The following FHDC1 variants were observed in gnomAD, a reference collection of about 807,000 sequenced individuals.
The protein encoded by FHDC1 is FH2 domain-containing protein 1.
A neutral mutation model predicts 52.6 loss-of-function variants in FHDC1; 25 were observed. That is an observed-to-expected ratio of 0.48 (90% CI 0.35 to 0.66). The LOEUF (loss-of-function observed/expected upper bound fraction) is 0.66, where lower values mean the gene tolerates loss of function less well. FHDC1 is among the 30% of genes least tolerant of loss of function. The pLI is 0.01. For synonymous variants in FHDC1, 616 were observed against 581.5 expected (o/e 1.06, Z -0.85); for missense variants, 1,459 against 1,452.8 (o/e 1.00, Z -0.07).
At chr4:152,949,381 G>T (rs771466485) in intron 2 of FHDC1, among the ~76,000 whole-genome samples, 3 of 151,998 alleles carry the variant, frequency 2.0e-5, no homozygotes, top group Non-Finnish European at 4.4e-5. Context: ...TCAGGAGGCT[G>T]ATGCAGAAGG....
At chr4:152,974,276 C>T (rs1002150401) in intron 11 of FHDC1, among the ~76,000 whole-genome samples, 1 of 152,206 alleles carries the variant, frequency 6.6e-6, no homozygotes, top group Admixed American at 6.5e-5. Context: ...GTGTCTTATA[C>T]TGCTCAGAAA....
chr4:152,976,864 C>A lies in FHDC1; in HGVS notation c.*141C>A. The A allele has an allele frequency of 8.5e-7, 1 of 1,171,624 alleles. No individual in the cohort carries two copies. Among genetic ancestry groups the A allele is most frequent in the Non-Finnish European group, 1.2e-6 (1 of 865,490 alleles). 72.6% of individuals were successfully genotyped at this position (1,171,624 alleles called of 1,614,324 possible). A position where few individuals can be genotyped will look rare whatever the true frequency, so the allele number is the denominator to read the frequency against. On this transcript the variant is annotated 3_prime_UTR_variant, in exon 12 of 12. Coordinates refer to ENST00000511601, the MANE Select transcript of FHDC1 (RefSeq NM_001371116.1). ...ACTGCTAGTGACGCTGTTGGGATGGCACAGTCCAGGAGGCCTGTGGACTGC... is the reference window on the plus strand; with the variant it reads ...ACTGCTAGTGACGCTGTTGGGATGGAACAGTCCAGGAGGCCTGTGGACTGC...
At chr4:152,955,988 T>C (rs1740073083) in intron 4 of FHDC1, among the ~76,000 whole-genome samples, 2 of 152,170 alleles carry the variant, frequency 1.3e-5, no homozygotes, top group African/African-American at 4.8e-5. Context: ...TTAAGTGTAA[T>C]TAACCCAAGC....
At chr4:152,962,703 T>A in intron 6 of FHDC1, 111 bp from the exon 7 acceptor site, 2 of 818,814 alleles carry the variant, frequency 2.4e-6, no homozygotes, top group South Asian at 3.0e-5. Flanking sequence ...TATATACAGT[T>A]TAAGGTCACA....
At position 152,974,888 on chromosome 4, in the gene FHDC1, C is replaced by T. The variant is rs774295013; in HGVS notation, c.1597C>T (p.Pro533Ser). ...PISPSSPSYR[P>S]PNTRRSRLSL... ...CAGCCCCTCCAGCCCCTCCTACCGG[C>T]CCCCGAACACCCGCCGCTCCCGCCT... Residue 533 changes from proline to serine, a missense_variant, in exon 12 of 12, where the codon CCC (proline) becomes TCC (serine). Coordinates refer to ENST00000511601, the MANE Select transcript of FHDC1 (RefSeq NM_001371116.1). 1.6e-5 allele frequency: 26 copies of T among 1,607,192 alleles called. No homozygotes were observed. The highest frequency in any genetic ancestry group is 2.7e-5 in the African/African-American group (2 of 74,796).
chr4:152,944,274 C>T (rs1201431075), intron 2 of FHDC1, among the ~76,000 whole-genome samples: 1 of 152,088 alleles, frequency 6.6e-6, no homozygotes, highest in Non-Finnish European at 1.5e-5. Flanking sequence ...ACAGAAACTG[C>T]ATCAAAAATT....
chr4:152,975,968 A>AC lies in FHDC1; in HGVS notation c.2680dup (p.Leu894ProfsTer105). On this transcript the variant is annotated frameshift_variant, in exon 12 of 12. Coordinates refer to ENST00000511601, the MANE Select transcript of FHDC1 (RefSeq NM_001371116.1). LOFTEE classifies it low-confidence loss of function (END_TRUNC). ...GGGGGCAGTGGCCAAGTCTGTGCGG[A>AC]CCCTGACCGCCTCAGAGAACGAGAG... The AC allele has an allele frequency of 6.6e-7, 1 of 1,522,706 alleles. No homozygotes were observed. Among genetic ancestry groups the AC allele is most frequent in the Non-Finnish European group, 8.8e-7 (1 of 1,137,726 alleles). 94.3% of individuals were successfully genotyped at this position (1,522,706 alleles called of 1,614,324 possible).
chr4:152,943,500 C>CCTCT lies in FHDC1; in HGVS notation c.444_445insTCTC (p.Leu149SerfsTer4). 6.2e-7 allele frequency: 1 copy of CCTCT among 1,614,064 alleles called. No individual in the cohort carries two copies. Among genetic ancestry groups the CCTCT allele is most frequent in the Non-Finnish European group, 8.5e-7 (1 of 1,179,992 alleles). ...CAGCAGGAAGACACCACCAAGTCTT[C>CCTCT]CCTTCCTAGGAGAGGAAGAACTTTA... On this transcript the variant is annotated frameshift_variant, in exon 2 of 12. Transcript: ENST00000511601. LOFTEE classifies it high-confidence loss of function.
the FHDC1 span, among the ~76,000 whole-genome samples, chr4:152,913,281 C>CT: frequency 6.6e-6 from 1 of 152,218 alleles, no homozygotes; most frequent in African/African-American, 2.4e-5. Flanking sequence ...ATGCAAGATG[C>CT]TTGCCTTTCT....
Position 152,943,315 on chromosome 4 carries a change from C to T in FHDC1, c.258C>T (p.Asn86=), listed in dbSNP as rs747429199. 19 of 1,357,720 alleles carry T rather than the reference C, an allele frequency of 1.4e-5. No homozygotes were observed. The highest frequency in any genetic ancestry group is 7.8e-5 in the Admixed American group (4 of 50,958). The allele number at this position is 1,357,720 out of a possible 1,614,324, so 84.1% of individuals were successfully genotyped here. Residue 86 remains asparagine (N), a synonymous_variant, in exon 2 of 12, where the codon AAC becomes AAT. Transcript: ENST00000511601. ...GCCTACCCCCAACTACTCACATGAA[C>T]GGCTACAGCCACCTTGGTAAGAAAA... is the stretch of plus-strand genomic sequence containing the variant. ...PPGLPPTTHM[N]GYSHLGKKKR...
chr4:152,972,621 C>T (rs1740673699), intron 11 of FHDC1, 80 bp downstream of exon 11: 2 of 1,454,136 alleles, frequency 1.4e-6, no homozygotes, highest in African/African-American at 1.4e-5. Flanking sequence ...CTGCTCACCA[C>T]AGAAAGGCAC....
At position 152,961,315 on chromosome 4, in the gene FHDC1, G is replaced by C. The variant is rs532897979; in HGVS notation, c.850+471G>C. 3.3e-5 allele frequency among the ~76,000 whole-genome samples: 5 copies of C among 152,270 alleles called. No individual in the cohort carries two copies. The South Asian group carries it at 1.0e-3, about 32-fold the overall frequency. ...CTGGGGTCAACCGTGTGACTCTTCT[G>C]CCAGGGTTCCTGACGTTTCTGTTCT... On this transcript the variant is annotated intron_variant, in intron 6 of 11. Coordinates refer to ENST00000511601, the MANE Select transcript of FHDC1 (RefSeq NM_001371116.1).
chr4:152,922,489 C>G, the FHDC1 span, among the ~76,000 whole-genome samples: 4 of 151,780 alleles, frequency 2.6e-5, no homozygotes, highest in South Asian at 8.3e-4. Flanking sequence ...AAGAGGGAAT[C>G]CTCCCTAACT....
intron 11 of FHDC1, 142 bp from the exon 12 acceptor site, chr4:152,974,533 C>A: frequency 7.8e-7 from 1 of 1,277,362 alleles, no homozygotes; most frequent in Non-Finnish European, 1.0e-6. Flanking sequence ...TGCACACACA[C>A]AGCCTCTTTC....
chr4:152,920,523 G>A, the FHDC1 span, among the ~76,000 whole-genome samples: 1 of 152,138 alleles, frequency 6.6e-6, no homozygotes, highest in Admixed American at 6.5e-5. Flanking sequence ...AAAATTTTCT[G>A]ATTTGTAAAA....
At chr4:152,956,341 C>G (rs1204081372) in intron 4 of FHDC1, among the ~76,000 whole-genome samples, 1 of 152,148 alleles carries the variant, frequency 6.6e-6, no homozygotes, top group Non-Finnish European at 1.5e-5. Flanking sequence ...CTTTAAATTG[C>G]TAACTAAATC....
chr4:152,966,567 C>A (rs189950740), intron 9 of FHDC1, among the ~76,000 whole-genome samples: 85 of 152,238 alleles, frequency 5.6e-4, no homozygotes, highest in Non-Finnish European at 8.7e-4. Flanking sequence ...TCAAGTGATT[C>A]TCCTGCATCG....
chr4:152,964,126 C>T (rs560720458), intron 8 of FHDC1, among the ~76,000 whole-genome samples: 3 of 152,100 alleles, frequency 2.0e-5, no homozygotes, highest in Non-Finnish European at 4.4e-5. Context: ...GTAGTGATAA[C>T]TTACCCCAAA....
chr4:152,932,969 A>G (rs1027177814), upstream of FHDC1, among the ~76,000 whole-genome samples: 1 of 152,260 alleles, frequency 6.6e-6, no homozygotes, highest in Admixed American at 6.5e-5. Flanking sequence ...TGGAAAGGGC[A>G]ACCCAGGGAG....
Sources: allele counts gnomAD v4.1 joint callset (sites outside exome capture counted in the v4.1 genomes callset), GRCh38; gene constraint gnomAD v4.1.1; transcripts MANE v1.5; gene names NCBI Gene and HGNC (gene_info 2026-07-23, HGNC 2026-07-21).